Variants in CACNG5 observed in about 807,000 individuals in gnomAD.
CACNG5 encodes calcium voltage-gated channel auxiliary subunit gamma 5.
In CACNG5, 18 loss-of-function variants were observed where a neutral mutation model predicts 24.8. The observed-to-expected ratio is 0.73, with a 90% CI of 0.50 to 1.08. The LOEUF (loss-of-function observed/expected upper bound fraction) is 1.08. CACNG5 is among the 50% of genes least tolerant of loss of function. CACNG5 has a pLI of 0.00. For missense variants in CACNG5, 349 were observed against 367.9 expected, an observed-to-expected ratio of 0.95 and a Z score of 0.42; for synonymous variants, 157 against 149.1, an observed-to-expected ratio of 1.05 and a Z score of -0.39.
intron 1 of CACNG5, among the ~76,000 whole-genome samples, chr17:66,865,533 CA>C (rs1325761664): frequency 6.6e-6 from 1 of 152,104 alleles, no homozygotes; most frequent in Non-Finnish European, 1.5e-5. Flanking sequence ...GGAGTTGTTT[CA>C]AATTCTCTCT....
intron 1 of CACNG5, among the ~76,000 whole-genome samples, chr17:66,870,663 C>A (rs1976993174): frequency 6.6e-6 from 1 of 152,168 alleles, no homozygotes; most frequent in African/African-American, 2.4e-5. Context: ...GAACCTACAT[C>A]TCCTCTTGTG....
Position 66,888,459 on chromosome 17 carries a change from G to A in CACNG5, c.*3219G>A, listed in dbSNP as rs1013728712. Among the ~76,000 whole-genome samples, 4 of 149,922 alleles carry A rather than the reference G, an allele frequency of 2.7e-5. No individual in the cohort carries two copies. The highest frequency in any genetic ancestry group is 1.5e-5 in the Non-Finnish European group (1 of 67,694). Reference sequence around the variant, plus strand: ...CTTGGGAGGCTGAAGCAGGAGAATGGCGTGAACCTGGGAGGCAGAGCTTGC... The same window carrying A: ...CTTGGGAGGCTGAAGCAGGAGAATGACGTGAACCTGGGAGGCAGAGCTTGC... On this transcript the variant is annotated 3_prime_UTR_variant, in exon 6 of 6. Coordinates refer to ENST00000533854, the MANE Select transcript of CACNG5 (RefSeq NM_145811.3).
In CACNG5 at chr17:66,854,224, T is replaced by A. The variant is rs551635131; in HGVS notation, c.-104+18974T>A. Among the ~76,000 whole-genome samples the A allele has an allele frequency of 4.0e-3, 606 of 152,134 alleles. 13 individuals are homozygous for A. Among genetic ancestry groups the A allele is most frequent in the Admixed American group, 0.035 (542 of 15,276 alleles). Reference sequence around the variant, plus strand: ...GCGGGTGGATCACAAGGTCAGGAGATCGAGACCATCCTGGCTAACATGGTG... The same window carrying A: ...GCGGGTGGATCACAAGGTCAGGAGAACGAGACCATCCTGGCTAACATGGTG... On this transcript the variant is annotated intron_variant, in intron 1 of 5. Coordinates refer to ENST00000533854, the MANE Select transcript of CACNG5 (RefSeq NM_145811.3).
intron 1 of CACNG5, among the ~76,000 whole-genome samples, chr17:66,835,609 C>A (rs184831517): frequency 1.3e-5 from 2 of 152,252 alleles, no homozygotes; most frequent in Admixed American, 6.5e-5. Context: ...GATTATTATC[C>A]GGATAATGCA....
rs1977277427 is a variant in CACNG5 at position 66,887,363 on chromosome 17, T to C, written c.*2123T>C. 1.3e-5 allele frequency among the ~76,000 whole-genome samples: 2 copies of C among 149,800 alleles called. No homozygotes were observed. The highest frequency in any genetic ancestry group is 2.5e-5 in the African/African-American group (1 of 40,716). On this transcript the variant is annotated 3_prime_UTR_variant, in exon 6 of 6. Coordinates refer to ENST00000533854, the MANE Select transcript of CACNG5 (RefSeq NM_145811.3). ...TGTGGGAGGCTCTCTGTTGCTTTTG[T>C]ATGTGACTTTTCAATCCTTGCCTAT...
intron 4 of CACNG5, among the ~76,000 whole-genome samples, chr17:66,882,408 C>T (rs1977172044): frequency 2.0e-5 from 3 of 152,026 alleles, no homozygotes; most frequent in African/African-American, 2.4e-5. Flanking sequence ...GTCTGGGGCT[C>T]ATGGGAGTGA....
chr17:66,890,635 T>G lies in CACNG5; in HGVS notation c.*5395T>G, dbSNP rs1050712198. 6.6e-5 allele frequency among the ~76,000 whole-genome samples: 10 copies of G among 152,192 alleles called. No homozygotes were observed. Among genetic ancestry groups the G allele is most frequent in the Non-Finnish European group, 2.9e-5 (2 of 68,028 alleles). The stretch of plus-strand genomic sequence containing the variant: ...CCCAGGTGGCCCCATCCTTGAAGGT[T>G]TGCATGCGTGGGCTCTCTGTCCTGC... On this transcript the variant is annotated 3_prime_UTR_variant, in exon 6 of 6. Transcript: ENST00000533854.
intron 1 of CACNG5, among the ~76,000 whole-genome samples, chr17:66,869,104 G>T (rs998060223): frequency 6.6e-6 from 1 of 151,910 alleles, no homozygotes; most frequent in Non-Finnish European, 1.5e-5. Flanking sequence ...TTCTTTTTGA[G>T]ATGGAGTCTC....
chr17:66,845,795 TC>T, intron 1 of CACNG5, among the ~76,000 whole-genome samples: 1 of 152,060 alleles, frequency 6.6e-6, no homozygotes. Flanking sequence ...GAAGATTATG[TC>T]CCCCAGTGCT....
chr17:66,871,130 G>A (rs1170123700), intron 1 of CACNG5, among the ~76,000 whole-genome samples: 1 of 152,130 alleles, frequency 6.6e-6, no homozygotes, highest in Non-Finnish European at 1.5e-5. Context: ...TCACAACCAA[G>A]GAAGATAATG....
chr17:66,848,616 G>A (rs1004784647), intron 1 of CACNG5, among the ~76,000 whole-genome samples: 8 of 152,186 alleles, frequency 5.3e-5, no homozygotes, highest in African/African-American at 1.4e-4. Flanking sequence ...AGTTTTGAAG[G>A]CGTTTGAGTC....
intron 1 of CACNG5, among the ~76,000 whole-genome samples, chr17:66,856,918 C>T (rs1435730336): frequency 2.0e-5 from 3 of 152,034 alleles, no homozygotes; most frequent in Non-Finnish European, 4.4e-5. Flanking sequence ...AACCACTAAT[C>T]TGTTCTCCAT....
intron 4 of CACNG5, among the ~76,000 whole-genome samples, chr17:66,882,438 T>A (rs991868441): frequency 6.6e-6 from 1 of 151,706 alleles, no homozygotes. Context: ...AAGATAGAGA[T>A]TGGAGAGCTA....
intron 1 of CACNG5, among the ~76,000 whole-genome samples, chr17:66,870,769 A>G (rs758100656): frequency 2.0e-5 from 3 of 152,282 alleles, no homozygotes; most frequent in Non-Finnish European, 2.9e-5. Context: ...ACTTGAGGTC[A>G]GGAGTTCAAG....
rs56153121 is a variant in CACNG5 at position 66,857,065 on chromosome 17, G to GTTT, written c.-103-20143_-103-20141dup. On this transcript the variant is annotated intron_variant, in intron 1 of 5. Coordinates refer to ENST00000533854, the MANE Select transcript of CACNG5 (RefSeq NM_145811.3). ...AACACATTTTTATTTCAATTTTTAA[G>GTTT]TTTTTTTTTTTTTTTTTTTTTTTTG... is the stretch of plus-strand genomic sequence containing the variant. Among the ~76,000 whole-genome samples the GTTT allele has an allele frequency of 1.7e-3, 164 of 94,038 alleles. 1 individual carries two copies. The highest frequency in any genetic ancestry group is 1.9e-3 in the Admixed American group (15 of 7,936). 61.7% of individuals were successfully genotyped at this position (94,038 alleles called of 152,430 possible).
chr17:66,886,207 T>A lies in CACNG5; in HGVS notation c.*967T>A, dbSNP rs1977257803. Among the ~76,000 whole-genome samples the A allele has an allele frequency of 6.6e-6, 1 of 152,214 alleles. No individual in the cohort carries two copies. The highest frequency in any genetic ancestry group is 1.5e-5 in the Non-Finnish European group (1 of 68,034). On this transcript the variant is annotated 3_prime_UTR_variant, in exon 6 of 6. Coordinates refer to ENST00000533854, the MANE Select transcript of CACNG5 (RefSeq NM_145811.3). ...AAACCACCTAAGTGGAAGGTTGCCTTCGAAGAGGCTGCCTGGGAGTGGGAG... is the reference window on the plus strand; with the variant it reads ...AAACCACCTAAGTGGAAGGTTGCCTACGAAGAGGCTGCCTGGGAGTGGGAG...
intron 1 of CACNG5, among the ~76,000 whole-genome samples, chr17:66,840,305 C>T (rs1976549063): frequency 1.3e-5 from 2 of 152,184 alleles, no homozygotes; most frequent in African/African-American, 4.8e-5. Flanking sequence ...GCCAATATCC[C>T]AGGAGGTCAG....
intron 1 of CACNG5, among the ~76,000 whole-genome samples, chr17:66,865,528 T>C (rs1250340973): frequency 2.6e-5 from 4 of 152,286 alleles, no homozygotes; most frequent in African/African-American, 9.6e-5. Context: ...GTTATGGAGT[T>C]GTTTCAAATT....
At position 66,881,770 on chromosome 17, in the gene CACNG5, T is replaced by C. The variant is rs115227652; in HGVS notation, c.424+1073T>C. 3.7e-3 allele frequency among the ~76,000 whole-genome samples: 536 copies of C among 144,790 alleles called. 5 individuals are homozygous for C. The highest frequency in any genetic ancestry group is 0.013 in the African/African-American group (506 of 38,504). 95.0% of individuals were successfully genotyped at this position (144,790 alleles called of 152,430 possible). ...GGAAGACTACCAGGAGGAGGCAAAC[T>C]AAAGGATGAGTAAGAATTAGGCAAA... On this transcript the variant is annotated intron_variant, in intron 4 of 5. Transcript: ENST00000533854.
Sources: gnomAD v4.1 joint callset for allele counts (sites outside exome capture counted in the v4.1 genomes callset) on GRCh38, gnomAD v4.1.1 for gene constraint, MANE v1.5 for transcripts, NCBI Gene and HGNC (gene_info 2026-07-23, HGNC 2026-07-21) for gene names.